The following SLCO1A2 variants were observed in gnomAD, a reference collection of about 807,000 sequenced individuals.
SLCO1A2 encodes solute carrier organic anion transporter family member 1A2, also known as OATP-1.
SLCO1A2 carries 67 observed loss-of-function variants against 69.0 expected under a neutral mutation model. The ratio of observed to expected loss-of-function variants is 0.97; its 90% CI spans 0.80 to 1.19. SLCO1A2 has a LOEUF of 1.19. SLCO1A2 is among the 50% of genes most tolerant of loss of function. The pLI is 0.00. For synonymous variants in SLCO1A2, 260 were observed against 265.9 expected (o/e 0.98, Z 0.22); for missense variants, 787 against 793.7 (o/e 0.99, Z 0.10).
chr12:21,416,692 C>G (rs1941995159), intron 1 of SLCO1A2, among the ~76,000 whole-genome samples: 1 of 151,946 alleles, frequency 6.6e-6, no homozygotes, highest in African/African-American at 2.4e-5. Context: ...AATTCCACTA[C>G]TGATTAACAC....
chr12:21,330,046 G>A (rs938696689), intron 2 of SLCO1A2, among the ~76,000 whole-genome samples: 2 of 152,022 alleles, frequency 1.3e-5, no homozygotes, highest in Admixed American at 1.3e-4. Flanking sequence ...TTTTAGCCAA[G>A]TGATTAGAGG....
In SLCO1A2 at chr12:21,295,719, A is replaced by C; in HGVS notation, c.1149T>G (p.Thr383=). The C allele has an allele frequency of 1.2e-6, 2 of 1,607,840 alleles. No individual in the cohort carries two copies. Among genetic ancestry groups the C allele is most frequent in the Non-Finnish European group, 8.5e-7 (1 of 1,174,464 alleles). Residue 383 remains threonine, a synonymous_variant, in exon 10 of 15, where the codon ACT becomes ACG. Transcript: ENST00000683939. ...ATCCTATGTGGGCAGCTTGTTTGAC[A>C]GTAATCTTGAACTTCTTCATAATTA... The part of the protein sequence containing the change: ...GGLIMKKFKI[T]VKQAAHIGCW...
In SLCO1A2 at chr12:21,266,293, C is replaced by T. The variant is rs1316317030; in HGVS notation, c.*3255G>A. 1 of 152,014 alleles carries T rather than the reference C, an allele frequency of 6.6e-6. No homozygotes were observed. Among genetic ancestry groups the T allele is most frequent in the Non-Finnish European group, 1.5e-5 (1 of 67,986 alleles). The allele number at this position is 152,014 out of a possible 1,614,324, so 9.4% of individuals were successfully genotyped here. A position where few individuals can be genotyped will look rare whatever the true frequency, so the allele number is the denominator to read the frequency against. ...CATAAGAGAATTTCCACGGAAAATC[C>T]CACTTCAGACTCTACTCCTTGTTGA... On this transcript the variant is annotated 3_prime_UTR_variant, in exon 15 of 15. Coordinates refer to ENST00000683939, the MANE Select transcript of SLCO1A2 (RefSeq NM_001386879.1).
chr12:21,405,607 T>C lies in SLCO1A2; in HGVS notation c.-312+12275A>G, dbSNP rs1464404373. On this transcript the variant is annotated intron_variant, in intron 1 of 4. Coordinates refer to the SLCO1A2 transcript ENST00000413682. The stretch of plus-strand genomic sequence containing the variant: ...CATCGACCAAGGAACAGAAAAGAGA[T>C]CTCAGAAACAAGACCGCACATCTAC... Among the ~76,000 whole-genome samples, 7 of 152,144 alleles carry C rather than the reference T, an allele frequency of 4.6e-5. No homozygotes were observed. The South Asian group carries it at 1.5e-3, about 32-fold the overall frequency.
intron 2 of SLCO1A2, among the ~76,000 whole-genome samples, chr12:21,367,355 G>A (rs1939466561): frequency 6.6e-6 from 1 of 152,118 alleles, no homozygotes; most frequent in African/African-American, 2.4e-5. Flanking sequence ...GAAGAATGAT[G>A]GGAGTATTTC....
intron 2 of SLCO1A2, among the ~76,000 whole-genome samples, chr12:21,325,426 C>T (rs1302936756): frequency 6.6e-6 from 1 of 152,164 alleles, no homozygotes; most frequent in South Asian, 2.1e-4. Context: ...TTTCTACCCC[C>T]AGACCATTTT....
At chr12:21,374,778 C>G (rs1422718579) in intron 1 of SLCO1A2, among the ~76,000 whole-genome samples, 1 of 151,832 alleles carries the variant, frequency 6.6e-6, no homozygotes. Flanking sequence ...ATTTACTAAG[C>G]ACTTTTACCC....
chr12:21,298,263 C>T (rs1049124372), intron 8 of SLCO1A2, among the ~76,000 whole-genome samples: 1 of 152,064 alleles, frequency 6.6e-6, no homozygotes, highest in South Asian at 2.1e-4. Flanking sequence ...AAAATGATTC[C>T]TGTTAGAAAA....
chr12:21,345,273 C>A (rs1217653989), intron 2 of SLCO1A2, among the ~76,000 whole-genome samples: 2 of 151,964 alleles, frequency 1.3e-5, no homozygotes, highest in African/African-American at 4.8e-5. Context: ...GTAGCATGTT[C>A]AGATGGAATC....
intron 1 of SLCO1A2, among the ~76,000 whole-genome samples, chr12:21,394,595 A>G (rs1024195431): frequency 6.6e-6 from 1 of 152,056 alleles, no homozygotes; most frequent in Non-Finnish European, 1.5e-5. Context: ...AAAAACAAAA[A>G]AAAAAGAAAA....
At chr12:21,352,304 G>A (rs1460301349) in intron 2 of SLCO1A2, among the ~76,000 whole-genome samples, 1 of 152,158 alleles carries the variant, frequency 6.6e-6, no homozygotes, top group Non-Finnish European at 1.5e-5. Flanking sequence ...TGAGGTTTGA[G>A]CCATTAAAAG....
At chr12:21,274,401 T>A (rs1943419367) in intron 14 of SLCO1A2, 68 bp downstream of exon 14, 3 of 972,096 alleles carry the variant, frequency 3.1e-6, no homozygotes. Context: ...AAAAGTTACG[T>A]GTGAATGGTG....
At chr12:21,317,345 T>G (rs1591835505) in intron 3 of SLCO1A2, among the ~76,000 whole-genome samples, 2 of 152,296 alleles carry the variant, frequency 1.3e-5, no homozygotes, top group East Asian at 3.9e-4. Context: ...GAATGTTGCT[T>G]CTCACATAGG....
intron 3 of SLCO1A2, among the ~76,000 whole-genome samples, chr12:21,318,180 G>A (rs1192150228): frequency 1.3e-5 from 2 of 150,560 alleles, no homozygotes; most frequent in African/African-American, 4.9e-5. Flanking sequence ...GAGTGCAGTG[G>A]CAATCTCAGC....
At position 21,275,172 on chromosome 12, in the gene SLCO1A2, G is replaced by GT. The variant is rs148538599; in HGVS notation, c.1675+187_1675+188insA. On this transcript the variant is annotated intron_variant, in intron 13 of 14. Transcript: ENST00000683939. The stretch of plus-strand genomic sequence containing the variant: ...TTGTGGGGTGGGGGAAGGGGGGAGG[G>GT]ATAGCATTAGGAGATTCACCTAATG... 0.02 allele frequency: 14,000 copies of GT among 713,892 alleles called. 1,668 individuals carry two copies. In the East Asian group the frequency reaches 0.33, roughly 17 times the overall value. 44.2% of individuals were successfully genotyped at this position (713,892 alleles called of 1,614,324 possible). A position where few individuals can be genotyped will look rare whatever the true frequency, so the allele number is the denominator to read the frequency against.
At chr12:21,383,042 G>A (rs949253441) in intron 1 of SLCO1A2, among the ~76,000 whole-genome samples, 1 of 152,068 alleles carries the variant, frequency 6.6e-6, no homozygotes, top group African/African-American at 2.4e-5. Context: ...ACACAGGTCA[G>A]GCAAAAGAAG....
At chr12:21,389,216 G>C (rs1052474560) in intron 1 of SLCO1A2, among the ~76,000 whole-genome samples, 6 of 152,040 alleles carry the variant, frequency 3.9e-5, no homozygotes, top group African/African-American at 1.2e-4. Context: ...CAATTTACTT[G>C]TCAAAAATAG....
At chr12:21,403,149 C>T (rs562822831) in intron 1 of SLCO1A2, among the ~76,000 whole-genome samples, 3 of 152,110 alleles carry the variant, frequency 2.0e-5, no homozygotes, top group African/African-American at 4.8e-5. Context: ...GTACTTCTAA[C>T]GCTCCAAGCC....
chr12:21,269,396 T>C lies in SLCO1A2; in HGVS notation c.*152A>G, dbSNP rs1308183257. ...AAGTGTCACTGATACCTTAGAAATA[T>C]CATTAGTGAACATTTTATTATTTTG... On this transcript the variant is annotated 3_prime_UTR_variant, in exon 15 of 15. Transcript: ENST00000683939. 12 of 547,226 alleles carry C rather than the reference T, an allele frequency of 2.2e-5. No individual in the cohort carries two copies. Among genetic ancestry groups the C allele is most frequent in the South Asian group, 8.4e-5 (3 of 35,690 alleles). 33.9% of individuals were successfully genotyped at this position (547,226 alleles called of 1,614,324 possible).
Sources: gnomAD v4.1 joint callset for allele counts (sites outside exome capture counted in the v4.1 genomes callset) on GRCh38, gnomAD v4.1.1 for gene constraint, MANE v1.5 for transcripts, NCBI Gene and HGNC (gene_info 2026-07-23, HGNC 2026-07-21) for gene names.